Variants in SGPP2 observed in about 807,000 individuals in gnomAD.
SGPP2 encodes sphingosine 1-phosphate phosphohydrolase 2.
A neutral mutation model predicts 33.9 loss-of-function variants in SGPP2; 30 were observed. The observed-to-expected ratio is 0.89, with a 90% CI of 0.66 to 1.20. SGPP2 has a LOEUF of 1.20. Ranked by LOEUF, SGPP2 falls within the 50% of genes most tolerant of loss-of-function variation. The pLI is 0.00. For missense variants in SGPP2, 458 were observed against 532.1 expected (o/e 0.86, Z 1.37); for synonymous variants, 233 against 225.0 (o/e 1.04, Z -0.32).
At chr2:222,449,574 A>G (rs1697452393) in intron 1 of SGPP2, among the ~76,000 whole-genome samples, 1 of 150,856 alleles carries the variant, frequency 6.6e-6, no homozygotes, top group African/African-American at 2.4e-5. Context: ...AGTTCAAGTG[A>G]TTCTCCTGCC....
rs1170171895 is a variant in SGPP2 at position 222,432,971 on chromosome 2, A to G, written c.219+8150A>G. ...AGGAAGCAGAGGTTGCGGTAAGCCA[A>G]AATCATGCCTTTGCACTCCAGCCTG... On this transcript the variant is annotated intron_variant, in intron 1 of 4. Coordinates refer to ENST00000321276, the MANE Select transcript of SGPP2 (RefSeq NM_152386.4). Among the ~76,000 whole-genome samples the G allele has an allele frequency of 2.0e-5, 3 of 152,032 alleles. No homozygotes were observed. In the East Asian group the frequency reaches 5.8e-4, roughly 29 times the overall value.
chr2:222,434,346 C>A (rs993604889), intron 1 of SGPP2, among the ~76,000 whole-genome samples: 1 of 152,148 alleles, frequency 6.6e-6, no homozygotes, highest in Admixed American at 6.6e-5. Context: ...CGCAATATCT[C>A]AGCACGTAGG....
intron 2 of SGPP2, among the ~76,000 whole-genome samples, chr2:222,514,405 C>T (rs183122541): frequency 3.1e-4 from 47 of 152,260 alleles, no homozygotes; most frequent in Non-Finnish European, 2.2e-4. Context: ...ACTATGTAGC[C>T]TAGGCTGGTC....
chr2:222,477,597 G>T lies in SGPP2; in HGVS notation c.378+2871G>T, dbSNP rs890240947. Among the ~76,000 whole-genome samples, 2 of 151,434 alleles carry T rather than the reference G, an allele frequency of 1.3e-5. No individual in the cohort carries two copies. Among genetic ancestry groups the T allele is most frequent in the Non-Finnish European group, 3.0e-5 (2 of 67,784 alleles). The stretch of plus-strand genomic sequence containing the variant: ...TGTATATAGGTGTGTGTATATATAT[G>T]TGTGTGTGTGTGTTCTAAATCCCAA... On this transcript the variant is annotated intron_variant, in intron 2 of 4. Transcript: ENST00000321276. This position sits in a 1 kb window ranked among gnomAD's most constrained non-coding sequence, Gnocchi z 6.0.
In SGPP2 at chr2:222,424,720, G is replaced by T; in HGVS notation, c.118G>T (p.Glu40Ter). Residue 40 changes from glutamate (E) to a stop codon, truncating the protein, a stop_gained, in exon 1 of 5, where the codon GAG becomes TAG. Coordinates refer to ENST00000321276, the MANE Select transcript of SGPP2 (RefSeq NM_152386.4). LOFTEE classifies it high-confidence loss of function. ...CCGGGAGAACGGCGCGGACCCCACG[G>T]AGCGCGCGGCGCGGGTCCCCGGGGT... ...GPRENGADPT[E>*]RAARVPGVEH... 1 of 1,440,130 alleles carries T rather than the reference G, an allele frequency of 6.9e-7. No homozygotes were observed. The highest frequency in any genetic ancestry group is 9.1e-7 in the Non-Finnish European group (1 of 1,098,516). 89.2% of individuals were successfully genotyped at this position (1,440,130 alleles called of 1,614,324 possible).
At chr2:222,522,008 C>T in intron 3 of SGPP2, 62 bp downstream of exon 3, 1 of 1,416,786 alleles carries the variant, frequency 7.1e-7, no homozygotes. Context: ...GGCTGCACTT[C>T]TGAATTTTCT....
intron 1 of SGPP2, among the ~76,000 whole-genome samples, chr2:222,457,045 GA>G (rs1202223651): frequency 4.6e-5 from 7 of 150,790 alleles, no homozygotes; most frequent in African/African-American, 1.7e-4. Context: ...AAAGAAAAAA[GA>G]AAAAAAAATC....
At position 222,465,707 on chromosome 2, in the gene SGPP2, T is replaced by C. The variant is rs1164081285; in HGVS notation, c.220-8861T>C. Among the ~76,000 whole-genome samples the C allele has an allele frequency of 6.6e-6, 1 of 152,224 alleles. No individual in the cohort carries two copies. Among genetic ancestry groups the C allele is most frequent in the South Asian group, 2.1e-4 (1 of 4,828 alleles). On this transcript the variant is annotated intron_variant, in intron 1 of 4. Transcript: ENST00000321276. This position sits in a 1 kb window ranked among gnomAD's most constrained non-coding sequence, Gnocchi z 4.1. ...TCCCATTTAAAACCCTCCCATGGCT[T>C]TCTGCTCCTTCCAGCCTCAGTCTCA...
Position 222,424,767 on chromosome 2 carries a change from C to A in SGPP2, c.165C>A (p.Asn55Lys), listed in dbSNP as rs1283402528. 7.1e-7 allele frequency: 1 copy of A among 1,402,492 alleles called. No homozygotes were observed. Among genetic ancestry groups the A allele is most frequent in the Admixed American group, 2.9e-5 (1 of 34,120 alleles). The allele number at this position is 1,402,492 out of a possible 1,614,324, so 86.9% of individuals were successfully genotyped here. A position where few individuals can be genotyped will look rare whatever the true frequency, so the allele number is the denominator to read the frequency against. Residue 55 changes from asparagine to lysine, a missense_variant, in exon 1 of 5, where the codon AAC (asparagine) becomes AAA (lysine). Asn to Lys is a moderately conservative substitution (Grantham distance 94, BLOSUM62 0). Transcript: ENST00000321276. ...GGGTCGAGCATCTCCCCGCAGCCAA[C>A]GGCAAGGGCGGCGAGGCTCCGGCCA... is the stretch of plus-strand genomic sequence containing the variant. ...VPGVEHLPAA[N>K]GKGGEAPANG...
chr2:222,497,025 C>T (rs1010590903), intron 2 of SGPP2, among the ~76,000 whole-genome samples: 10 of 152,196 alleles, frequency 6.6e-5, no homozygotes, highest in Admixed American at 3.9e-4. Flanking sequence ...TAAAGTACTA[C>T]AGTAGCATCC....
Position 222,460,229 on chromosome 2 carries a change from C to G in SGPP2, c.220-14339C>G, listed in dbSNP as rs557686824. On this transcript the variant is annotated intron_variant, in intron 1 of 4. Transcript: ENST00000321276. This position sits in a 1 kb window ranked among gnomAD's most constrained non-coding sequence, Gnocchi z 4.3. ...GTTTCTTGCTAAATAACTGTATCAT[C>G]AGATCCCACATGGCAGCGCCAAGGC... 6.6e-6 allele frequency among the ~76,000 whole-genome samples: 1 copy of G among 152,284 alleles called. No homozygotes were observed. Among genetic ancestry groups the G allele is most frequent in the South Asian group, 2.1e-4 (1 of 4,820 alleles).
intron 2 of SGPP2, among the ~76,000 whole-genome samples, chr2:222,520,722 GAAAAAAA>G (rs369507692): frequency 1.0e-4 from 4 of 39,698 alleles, no homozygotes; most frequent in Admixed American, 9.5e-4. Flanking sequence ...GTGAGACTCT[GAAAAAAA>G]AAAAAAAAAA....
At chr2:222,532,513 T>A (rs1288664413) in intron 4 of SGPP2, among the ~76,000 whole-genome samples, 1 of 152,054 alleles carries the variant, frequency 6.6e-6, no homozygotes, top group African/African-American at 2.4e-5. Flanking sequence ...CATGGCTGTG[T>A]CATCATCCTC....
chr2:222,500,926 C>A (rs1698357468), intron 2 of SGPP2, among the ~76,000 whole-genome samples: 1 of 152,292 alleles, frequency 6.6e-6, no homozygotes, highest in Middle Eastern at 3.4e-3. Context: ...GAAATAGAAC[C>A]AGCAATATCA....
At chr2:222,462,912 T>C (rs1478832948) in intron 1 of SGPP2, among the ~76,000 whole-genome samples, 1 of 152,124 alleles carries the variant, frequency 6.6e-6, no homozygotes, top group African/African-American at 2.4e-5. Flanking sequence ...GAAGGACCAT[T>C]GTTCCCACCC....
At position 222,485,446 on chromosome 2, in the gene SGPP2, G is replaced by A. The variant is rs544773904; in HGVS notation, c.378+10720G>A. Among the ~76,000 whole-genome samples the A allele has an allele frequency of 2.0e-5, 3 of 152,336 alleles. No individual in the cohort carries two copies. In the South Asian group the frequency reaches 6.2e-4, roughly 32 times the overall value. ...CCAGAGCATCACAGGGACCTAGCAG[G>A]GCGGAGAAGGGCTTTGGTACTTTTG... On this transcript the variant is annotated intron_variant, in intron 2 of 4. Transcript: ENST00000321276.
chr2:222,473,924 C>CAAAAAAAAAAAAAAAA (rs59649395), intron 1 of SGPP2, among the ~76,000 whole-genome samples: 3 of 127,456 alleles, frequency 2.4e-5, no homozygotes, highest in East Asian at 2.4e-4. Context: ...AACTCTGTCT[C>CAAAAAAAAAAAAAAAA]AAAAAAAAAA....
upstream of SGPP2, among the ~76,000 whole-genome samples, chr2:222,424,267 TGGGGTGG>T (rs1421088760): frequency 5.5e-5 from 1 of 18,088 alleles, no homozygotes; most frequent in Non-Finnish European, 1.1e-4. Context: ...GGGAAGAAGG[TGGGGTGG>T]GGGGTTGGGG....
At chr2:222,470,064 C>T (rs968459534) in intron 1 of SGPP2, among the ~76,000 whole-genome samples, 2 of 152,038 alleles carry the variant, frequency 1.3e-5, no homozygotes, top group African/African-American at 2.4e-5. Flanking sequence ...AGTTGAACAA[C>T]GAGAACACAT....
Sources: gnomAD v4.1 joint callset for allele counts (sites outside exome capture counted in the v4.1 genomes callset) on GRCh38, gnomAD v4.1.1 for gene constraint, Gnocchi (gnomAD v3.1) non-coding constraint, MANE v1.5 for transcripts, NCBI Gene and HGNC (gene_info 2026-07-23, HGNC 2026-07-21) for gene names.